Variants in NOS2 observed in about 807,000 individuals in gnomAD.
The protein encoded by NOS2 is nitric oxide synthase 2.
NOS2 carries 96 observed loss-of-function variants against 136.0 expected under a neutral mutation model. The ratio of observed to expected loss-of-function variants is 0.71; its 90% CI spans 0.60 to 0.84. The LOEUF (loss-of-function observed/expected upper bound fraction) is 0.84, where lower values mean the gene tolerates loss of function less well. Among genes scored for constraint, NOS2 ranks in the 40% least tolerant of loss-of-function variants. The pLI is 0.00. For missense variants in NOS2, 1,237 were observed against 1,496.9 expected, an observed-to-expected ratio of 0.83 and a Z score of 2.87; for synonymous variants, 539 against 587.5, an observed-to-expected ratio of 0.92 and a Z score of 1.20.
At chr17:27,784,024 T>C (rs1479476082) in intron 5 of NOS2, among the ~76,000 whole-genome samples, 2 of 152,138 alleles carry the variant, frequency 1.3e-5, no homozygotes, top group East Asian at 1.9e-4. Context: ...AGCCTCAGAA[T>C]TGCTCATTCA....
chr17:27,782,870 G>A (rs577050441), intron 6 of NOS2, 74 bp downstream of exon 6: 9 of 1,447,780 alleles, frequency 6.2e-6, no homozygotes, highest in Admixed American at 1.7e-5. Flanking sequence ...ACAGCTCTGT[G>A]TGGCTGTTCC....
chr17:27,769,910 G>A (rs1353503930), intron 15 of NOS2, among the ~76,000 whole-genome samples: 3 of 152,196 alleles, frequency 2.0e-5, no homozygotes, highest in East Asian at 1.9e-4. Flanking sequence ...CGAATGCGCC[G>A]TGATTCTGTT....
intron 2 of NOS2, among the ~76,000 whole-genome samples, chr17:27,798,391 C>T (rs1909422830): frequency 6.6e-6 from 1 of 151,784 alleles, no homozygotes; most frequent in African/African-American, 2.4e-5. Context: ...GCCATGGTGC[C>T]CACCACGAGG....
rs377596177 is a variant in NOS2, at chr17:27,766,519, G to A, written c.2237C>T (p.Pro746Leu). The A allele has an allele frequency of 3.7e-6, 6 of 1,613,694 alleles. No homozygotes were observed. Among genetic ancestry groups the A allele is most frequent in the East Asian group, 2.2e-5 (1 of 44,898 alleles). The part of the protein sequence containing the change: ...RLKSRQNLQS[P>L]TSSRATILVE... ...CTGCACTTTCCCTTACCTGGATGTCGGACTTTGTAGATTCTGCCGAGATTT... is the reference window on the plus strand; with the variant it reads ...CTGCACTTTCCCTTACCTGGATGTCAGACTTTGTAGATTCTGCCGAGATTT... The change falls in exon 19 of 27, where the codon CCG becomes CTG. Residue 746 changes from proline (P) to leucine (L), a missense_variant. Pro to Leu is a moderately conservative substitution (Grantham distance 98). Coordinates refer to ENST00000313735, the MANE Select transcript of NOS2 (RefSeq NM_000625.4).
chr17:27,760,517 C>T lies in NOS2; in HGVS notation c.3010+106G>A, dbSNP rs1035654896. ...CGCACAGGGAAGCAAACTTGGGAGG[C>T]CTTCCCTCGAGAGAGGTCAGGAACC... On this transcript the variant is annotated intron_variant, in intron 24 of 26. Coordinates refer to ENST00000313735, the MANE Select transcript of NOS2 (RefSeq NM_000625.4). 6.9e-6 allele frequency: 10 copies of T among 1,454,736 alleles called. No individual in the cohort carries two copies. The South Asian group carries it at 1.2e-4, about 18-fold the overall frequency. The allele number at this position is 1,454,736 out of a possible 1,614,324, so 90.1% of individuals were successfully genotyped here.
Position 27,779,052 on chromosome 17 carries a change from C to G in NOS2, c.1009G>C (p.Glu337Gln), listed in dbSNP as rs141497943. The change falls in exon 10 of 27, where the codon GAG (glutamate) becomes CAG (glutamine). Residue 337 changes from glutamate (E) to glutamine (Q), a missense_variant. Physicochemically the swap from Glu to Gln is conservative, Grantham distance 29. Coordinates refer to ENST00000313735, the MANE Select transcript of NOS2 (RefSeq NM_000625.4). The part of the protein sequence containing the change: ...LEVAMEHPKY[E>Q]WFRELELKWY... ...TTTAGCTCCAGTTCCCGAAACCACT[C>G]GTATCTGGCAAAAAGGTAGACACAA... 1 of 1,503,748 alleles carries G rather than the reference C, an allele frequency of 6.7e-7. No homozygotes were observed. The highest frequency in any genetic ancestry group is 1.3e-5 in the South Asian group (1 of 74,546). 93.2% of individuals were successfully genotyped at this position (1,503,748 alleles called of 1,614,324 possible).
intron 6 of NOS2, 80 bp from the exon 7 acceptor site, chr17:27,782,186 T>C (rs2142518206): frequency 8.0e-7 from 1 of 1,256,768 alleles, no homozygotes; most frequent in Non-Finnish European, 1.1e-6. Context: ...TCACTGGGAA[T>C]CAATAGTGCA....
intron 6 of NOS2, among the ~76,000 whole-genome samples, chr17:27,782,674 C>T (rs918622017): frequency 7.2e-5 from 11 of 152,194 alleles, no homozygotes; most frequent in Admixed American, 1.3e-4. Context: ...AAAACAAGGT[C>T]GTGGTTTACT....
At chr17:27,761,861 T>C (rs1217290062) in intron 22 of NOS2, among the ~76,000 whole-genome samples, 1 of 152,202 alleles carries the variant, frequency 6.6e-6, no homozygotes, top group African/African-American at 2.4e-5. Flanking sequence ...GAGGTCCCCC[T>C]GGTTTTCCTC....
intron 16 of NOS2, 85 bp downstream of exon 16, chr17:27,769,450 C>T: frequency 8.6e-7 from 1 of 1,162,974 alleles, no homozygotes; most frequent in East Asian, 2.3e-5. Context: ...AGAAGACCCC[C>T]TGTGCACACC....
chr17:27,770,488 GTAAA>G lies in NOS2; in HGVS notation c.1809+421_1809+424del, dbSNP rs138657094. 0.01 allele frequency among the ~76,000 whole-genome samples: 1,540 copies of G among 152,114 alleles called. 114 individuals carry two copies. In the East Asian group the frequency reaches 0.19, roughly 19 times the overall value. ...GCAACAAAAGCAAAACTCCACCTAAGTAAATAAATAAATAAATAAACAAACAAAC... is the reference window on the plus strand; with the variant it reads ...GCAACAAAAGCAAAACTCCACCTAAGTAAATAAATAAATAAACAAACAAAC... On this transcript the variant is annotated intron_variant, in intron 15 of 26. Transcript: ENST00000313735.
intron 9 of NOS2, among the ~76,000 whole-genome samples, chr17:27,779,815 T>C (rs1908786531): frequency 6.6e-6 from 1 of 152,158 alleles, no homozygotes; most frequent in Non-Finnish European, 1.5e-5. Flanking sequence ...ATCCCCATTA[T>C]CAGAATAGAA....
chr17:27,790,587 T>C (rs1189348039), intron 2 of NOS2, among the ~76,000 whole-genome samples: 3 of 152,188 alleles, frequency 2.0e-5, no homozygotes, highest in South Asian at 4.1e-4. Context: ...GCCGATCTTG[T>C]TTCACCTATA....
chr17:27,778,860 C>A (rs756477209), intron 10 of NOS2, 22 bp downstream of exon 10: 1 of 1,610,686 alleles, frequency 6.2e-7, no homozygotes, highest in South Asian at 1.1e-5. Flanking sequence ...CTTCATCTGG[C>A]CAGCTGGGCT....
At chr17:27,781,216 C>T (rs370068020) in intron 7 of NOS2, 39 bp from the exon 8 acceptor site, 151 of 1,573,240 alleles carry the variant, frequency 9.6e-5, no homozygotes, top group Non-Finnish European at 1.3e-4. Context: ...CCACCTAGCC[C>T]TGGTGGGGGC....
At chr17:27,761,585 G>C (rs1234004604) in intron 22 of NOS2, among the ~76,000 whole-genome samples, 3 of 152,132 alleles carry the variant, frequency 2.0e-5, no homozygotes, top group Non-Finnish European at 4.4e-5. Context: ...CTTTCTCCGG[G>C]AACACTCCCA....
chr17:27,779,483 C>T (rs1908774335), intron 9 of NOS2, among the ~76,000 whole-genome samples: 1 of 151,762 alleles, frequency 6.6e-6, no homozygotes, highest in South Asian at 2.1e-4. Flanking sequence ...CTCCCACTGA[C>T]CCCCCACCTG....
At chr17:27,766,360 A>G (rs1908302480) in intron 19 of NOS2, 150 bp downstream of exon 19, 3 of 710,194 alleles carry the variant, frequency 4.2e-6, no homozygotes, top group Non-Finnish European at 7.4e-6. Flanking sequence ...GCCGCAGGTT[A>G]CCAGGTGGGC....
intron 26 of NOS2, 94 bp from the exon 27 acceptor site, chr17:27,757,447 C>T (rs1474970900): frequency 9.3e-6 from 9 of 965,792 alleles, no homozygotes; most frequent in African/African-American, 8.1e-5. Flanking sequence ...CCTTCATGAG[C>T]CATCTGTCTT....
Sources: allele counts gnomAD v4.1 joint callset (sites outside exome capture counted in the v4.1 genomes callset), GRCh38; gene constraint gnomAD v4.1.1; transcripts MANE v1.5; gene names NCBI Gene and HGNC (gene_info 2026-07-23, HGNC 2026-07-21).